The following EFTUD2 variants were observed in gnomAD, a reference collection of about 807,000 sequenced individuals.
The protein encoded by EFTUD2 is 116 kDa U5 small nuclear ribonucleoprotein component.
A neutral mutation model predicts 114.3 loss-of-function variants in EFTUD2; 9 were observed. That is an observed-to-expected ratio of 0.08 (90% CI 0.05 to 0.14). The LOEUF (loss-of-function observed/expected upper bound fraction) is 0.14, where lower values mean the gene tolerates loss of function less well. Ranked by LOEUF, EFTUD2 falls within the 10% of genes least tolerant of loss-of-function variation. The pLI is 1.00. For missense variants in EFTUD2, 765 were observed against 1,241.2 expected (o/e 0.62, Z 5.76); for synonymous variants, 449 against 462.3 (o/e 0.97, Z 0.37).
chr17:44,883,717 C>A lies in EFTUD2; in HGVS notation c.358G>T (p.Ala120Ser). Reference protein sequence around the residue: ...PVTVYEMDFLADLMDNSELIR... With the variant: ...PVTVYEMDFLSDLMDNSELIR... ...AGCTCTGAGTTATCCATCAGATCCG[C>A]CAAGAAACTGAAAGGACAAAGGAAA... Residue 120 changes from alanine to serine, a missense_variant, in exon 5 of 28, where the codon GCG becomes TCG. Coordinates refer to ENST00000426333, the MANE Select transcript of EFTUD2 (RefSeq NM_004247.4). 1 of 1,614,064 alleles carries A rather than the reference C, an allele frequency of 6.2e-7. No homozygotes were observed. Among genetic ancestry groups the A allele is most frequent in the Non-Finnish European group, 8.5e-7 (1 of 1,179,982 alleles).
At chr17:44,870,842 AC>A (rs2050837676) in intron 11 of EFTUD2, among the ~76,000 whole-genome samples, 1 of 151,896 alleles carries the variant, frequency 6.6e-6, no homozygotes, top group Admixed American at 6.6e-5. Flanking sequence ...ACATGGTGAA[AC>A]CCCATCTCTA....
intron 2 of EFTUD2, among the ~76,000 whole-genome samples, chr17:44,893,422 CT>C (rs2051318855): frequency 6.6e-6 from 1 of 152,186 alleles, no homozygotes; most frequent in African/African-American, 2.4e-5. Flanking sequence ...CGCCCGGGCC[CT>C]TTCTATTGCT....
At chr17:44,866,047 CG>C (rs1567737831) in intron 13 of EFTUD2, among the ~76,000 whole-genome samples, 1 of 152,076 alleles carries the variant, frequency 6.6e-6, no homozygotes, top group Non-Finnish European at 1.5e-5. Context: ...TGATCTCAAG[CG>C]ATCTGCCCAC....
At chr17:44,851,401 C>A in intron 27 of EFTUD2, 32 bp from the exon 28 acceptor site, 1 of 1,562,942 alleles carries the variant, frequency 6.4e-7, no homozygotes, top group East Asian at 2.2e-5. Flanking sequence ...TAAGAAAGCC[C>A]GAGGTGGTCG....
intron 3 of EFTUD2, 126 bp from the exon 4 acceptor site, chr17:44,885,460 GATCACTC>G: frequency 1.4e-6 from 1 of 703,158 alleles, no homozygotes; most frequent in East Asian, 2.6e-5. Context: ...TACTCTCAAG[GATCACTC>G]ATATGTTGAG....
At chr17:44,872,288 G>A (rs2050869162) in intron 11 of EFTUD2, among the ~76,000 whole-genome samples, 158 bp downstream of exon 11, 1 of 152,142 alleles carries the variant, frequency 6.6e-6, no homozygotes, top group African/African-American at 2.4e-5. Flanking sequence ...TGAAGAAAGG[G>A]TCTCAAGGCC....
chr17:44,896,225 T>C (rs1439947817), intron 1 of EFTUD2, among the ~76,000 whole-genome samples: 1 of 152,256 alleles, frequency 6.6e-6, no homozygotes, highest in Non-Finnish European at 1.5e-5. Context: ...CTTCAATTAC[T>C]GAAATTCTAT....
chr17:44,860,371 A>AT, intron 17 of EFTUD2, 61 bp downstream of exon 17: 1 of 1,170,538 alleles, frequency 8.5e-7, no homozygotes, highest in Non-Finnish European at 1.3e-6. Context: ...GTTTGTGCTC[A>AT]TGTGTGTCCC....
Position 44,872,361 on chromosome 17 carries a change from C to G in EFTUD2, c.994+85G>C, listed in dbSNP as rs1444974021. ...ATGTTCCCCCAGCAGGGTGCTGATACGAAGCCAATTTCTGAGTCATTCAGC... is the reference window on the plus strand; with the variant it reads ...ATGTTCCCCCAGCAGGGTGCTGATAGGAAGCCAATTTCTGAGTCATTCAGC... On this transcript the variant is annotated intron_variant, in intron 11 of 27. Coordinates refer to ENST00000426333, the MANE Select transcript of EFTUD2 (RefSeq NM_004247.4). The G allele has an allele frequency of 3.8e-6, 6 of 1,573,628 alleles. No individual in the cohort carries two copies. The East Asian group carries it at 1.4e-4, about 37-fold the overall frequency.
intron 6 of EFTUD2, 101 bp from the exon 7 acceptor site, chr17:44,881,823 C>A: frequency 8.8e-7 from 1 of 1,131,488 alleles, no homozygotes; most frequent in Non-Finnish European, 1.3e-6. Context: ...TCAAGGGTTT[C>A]TTTGAGATTA....
At chr17:44,853,234 G>A (rs1471728106) in intron 25 of EFTUD2, 62 bp downstream of exon 25, 36 of 1,548,974 alleles carry the variant, frequency 2.3e-5, no homozygotes, top group Non-Finnish European at 3.1e-5. Context: ...TGTAGGAGCC[G>A]AGGTGACTCT....
In EFTUD2 at chr17:44,850,495, C is replaced by A; in HGVS notation, c.*779G>T. 1.2e-6 allele frequency: 1 copy of A among 861,970 alleles called. No individual in the cohort carries two copies. Among genetic ancestry groups the A allele is most frequent in the Non-Finnish European group, 1.9e-6 (1 of 525,772 alleles). 53.4% of individuals were successfully genotyped at this position (861,970 alleles called of 1,614,324 possible). A position where few individuals can be genotyped will look rare whatever the true frequency, so the allele number is the denominator to read the frequency against. On this transcript the variant is annotated 3_prime_UTR_variant, in exon 28 of 28. Coordinates refer to ENST00000426333, the MANE Select transcript of EFTUD2 (RefSeq NM_004247.4). ...AGGAAAATCAACAGACTCTTTTTCA[C>A]TGGGGGAGAACAGAGTAAGGGACTG... is the stretch of plus-strand genomic sequence containing the variant.
chr17:44,854,102 C>G lies in EFTUD2; in HGVS notation c.2347+167G>C. On this transcript the variant is annotated intron_variant, in intron 23 of 27. Transcript: ENST00000426333. The surrounding 1 kb of genome is among the most constrained non-coding windows in gnomAD (Gnocchi z 4.3). Reference sequence around the variant, plus strand: ...AATTTCCATTTCCAGGCTACACCACCAGGATAAGGAAGGAAAAGGGAAGAA... The same window carrying G: ...AATTTCCATTTCCAGGCTACACCACGAGGATAAGGAAGGAAAAGGGAAGAA... The G allele has an allele frequency of 5.6e-6, 8 of 1,433,060 alleles. No homozygotes were observed. Among genetic ancestry groups the G allele is most frequent in the Non-Finnish European group, 7.3e-6 (8 of 1,090,082 alleles). The allele number at this position is 1,433,060 out of a possible 1,614,324, so 88.8% of individuals were successfully genotyped here.
At chr17:44,885,357 T>C in intron 3 of EFTUD2, 23 bp from the exon 4 acceptor site, 4 of 1,551,330 alleles carry the variant, frequency 2.6e-6, no homozygotes, top group East Asian at 2.2e-5. Context: ...AAAAAGGTAG[T>C]GATGTGTAGG....
At position 44,850,391 on chromosome 17, in the gene EFTUD2, AAGT is replaced by A. The variant is rs781494682; in HGVS notation, c.*880_*882del. 2 of 1,611,860 alleles carry A rather than the reference AAGT, an allele frequency of 1.2e-6. No individual in the cohort carries two copies. The highest frequency in any genetic ancestry group is 1.7e-6 in the Non-Finnish European group (2 of 1,178,480). The stretch of plus-strand genomic sequence containing the variant: ...GAGGATGGCACAGGATGCTGGAGAG[AAGT>A]AGGACTCCTATAGGAGCCGGGGCTG... On this transcript the variant is annotated 3_prime_UTR_variant, in exon 28 of 28. Transcript: ENST00000426333.
intron 5 of EFTUD2, 71 bp downstream of exon 5, chr17:44,883,578 C>G: frequency 6.9e-7 from 1 of 1,448,236 alleles, no homozygotes; most frequent in East Asian, 2.3e-5. Flanking sequence ...ACCGCTGTGA[C>G]TCTAAGGGCT....
chr17:44,854,489 C>T lies in EFTUD2; in HGVS notation c.2259+67G>A. ...ACACAAGATACTTTTGGGAAAAGAA[C>T]ACTTTGTAGTTTCTTCCACTCCAGA... On this transcript the variant is annotated intron_variant, in intron 22 of 27. Transcript: ENST00000426333. This position sits in a 1 kb window ranked among gnomAD's most constrained non-coding sequence, Gnocchi z 4.3. 6.3e-7 allele frequency: 1 copy of T among 1,584,728 alleles called. No homozygotes were observed.
At chr17:44,876,124 GT>G (rs1567745253) in intron 9 of EFTUD2, 24 bp from the exon 10 acceptor site, 9 of 1,597,062 alleles carry the variant, frequency 5.6e-6, no homozygotes, top group African/African-American at 1.3e-5. Context: ...GGCTCAGAAG[GT>G]GGTAAGAAGA....
At chr17:44,857,187 G>A (rs185635465) in intron 19 of EFTUD2, 30 bp from the exon 20 acceptor site, 257 of 1,602,662 alleles carry the variant, frequency 1.6e-4, no homozygotes, top group Non-Finnish European at 2.1e-4. Context: ...TTACTGAAGC[G>A]AGGTCTAATT....
Sources: allele counts gnomAD v4.1 joint callset (sites outside exome capture counted in the v4.1 genomes callset), GRCh38; gene constraint gnomAD v4.1.1; non-coding constraint Gnocchi (gnomAD v3.1); transcripts MANE v1.5; gene names NCBI Gene and HGNC (gene_info 2026-07-23, HGNC 2026-07-21).